The following TENM1 variants were observed in gnomAD, a reference collection of about 807,000 sequenced individuals.
TENM1 encodes the protein teneurin transmembrane protein 1.
A neutral mutation model predicts 174.8 loss-of-function variants in TENM1; 35 were observed. The ratio of observed to expected loss-of-function variants is 0.20; its 90% CI spans 0.15 to 0.27. The LOEUF (loss-of-function observed/expected upper bound fraction) is 0.27, where lower values mean the gene tolerates loss of function less well. Among genes scored for constraint, TENM1 ranks in the 10% least tolerant of loss-of-function variants. The pLI is 1.00. For missense variants in TENM1, 1,633 were observed against 2,130.1 expected (o/e 0.77, Z 4.59); for synonymous variants, 781 against 798.7 (o/e 0.98, Z 0.37).
At chrX:125,138,356 G>A in the TENM1 span, among the ~76,000 whole-genome samples, 1 of 110,800 alleles carries the variant, frequency 9.0e-6, no homozygotes, top group Non-Finnish European at 1.9e-5. Flanking sequence ...GGGAAGCAAG[G>A]CTAGAGGAAG....
chrX:124,895,829 G>T, intron 2 of TENM1, 152 bp downstream of exon 5: 1 of 583,118 alleles, frequency 1.7e-6, no homozygotes, highest in Non-Finnish European at 2.6e-6. Flanking sequence ...CAGATACTTA[G>T]GTGCATGCCT....
At chrX:124,804,614 A>T (rs1468160783) in intron 3 of TENM1, among the ~76,000 whole-genome samples, 1 of 112,146 alleles carries the variant, frequency 8.9e-6, no homozygotes, top group Non-Finnish European at 1.9e-5. Flanking sequence ...CTAACAAAGA[A>T]CGAAAATTCT....
At chrX:124,496,817 A>G (rs751411573) in intron 20 of TENM1, among the ~76,000 whole-genome samples, 199 bp downstream of exon 23, 17 of 111,801 alleles carry the variant, frequency 1.5e-4, no homozygotes, top group Non-Finnish European at 1.3e-4. Context: ...TGCTTCTCCA[A>G]AGTAGTGCTC....
the TENM1 span, among the ~76,000 whole-genome samples, chrX:125,200,652 TGTGAGAGAGAGAGA>T: frequency 1.2e-5 from 1 of 81,341 alleles, no homozygotes; most frequent in Admixed American, 1.3e-4. Context: ...TGTGTGTGTG[TGTGAGAGAGAGAGA>T]GAGAGAGAGA....
intron 20 of TENM1, among the ~76,000 whole-genome samples, chrX:124,490,941 C>T (rs976853747): frequency 1.7e-4 from 19 of 111,572 alleles, no homozygotes; most frequent in Non-Finnish European, 3.2e-4. Flanking sequence ...GGTCCTGAGG[C>T]TATAACAATT....
chrX:124,739,330 C>T (rs187719618), intron 3 of TENM1, among the ~76,000 whole-genome samples: 100 of 111,579 alleles, frequency 9.0e-4, no homozygotes, highest in Middle Eastern at 9.2e-3. Context: ...AACTATAAGG[C>T]TGGAAGAAAT....
intron 3 of TENM1, among the ~76,000 whole-genome samples, chrX:124,831,640 G>C (rs2056290359): frequency 1.8e-5 from 2 of 111,846 alleles, no homozygotes; most frequent in Admixed American, 1.9e-4. Flanking sequence ...TTTAATAGAG[G>C]ATCTGCTGCT....
At chrX:124,514,771 G>A (rs141216999) in intron 18 of TENM1, among the ~76,000 whole-genome samples, 1,125 of 110,865 alleles carry the variant, frequency 0.01, 11 homozygotes, top group African/African-American at 0.035. Context: ...TCTAGCAGAT[G>A]TACAAAGAAC....
intron 4 of TENM1, among the ~76,000 whole-genome samples, chrX:124,721,057 G>A (rs769129747): frequency 1.8e-5 from 2 of 112,100 alleles, no homozygotes; most frequent in African/African-American, 6.5e-5. Context: ...AAAGGACCTC[G>A]AATATCGTTT....
At chrX:124,861,099 T>C (rs2056903684) in intron 3 of TENM1, among the ~76,000 whole-genome samples, 1 of 111,996 alleles carries the variant, frequency 8.9e-6, no homozygotes. Flanking sequence ...GTTATACAAA[T>C]GAGCAAACAG....
At chrX:124,679,311 G>A (rs1195758454) in intron 5 of TENM1, among the ~76,000 whole-genome samples, 1 of 111,901 alleles carries the variant, frequency 8.9e-6, no homozygotes, top group African/African-American at 3.2e-5. Flanking sequence ...TGCTACAGCT[G>A]TTGTACTTTA....
chrX:124,774,891 C>A (rs750200306), intron 3 of TENM1, among the ~76,000 whole-genome samples: 1 of 110,894 alleles, frequency 9.0e-6, no homozygotes, highest in African/African-American at 3.3e-5. Flanking sequence ...ACAGGTCAGA[C>A]CCTGCATCAT....
At position 124,479,884 on chromosome X, in the gene TENM1, T is replaced by C. The variant is rs778958466; in HGVS notation, c.3949+1848A>G. On this transcript the variant is annotated intron_variant, in intron 22 of 31. Coordinates refer to ENST00000422452, the Ensembl canonical transcript of TENM1. ...CACATGTTGCACCCGAGTTATTTAT[T>C]CAATCATTAAATACTTATTGTGGAC... 2.4e-4 allele frequency among the ~76,000 whole-genome samples: 27 copies of C among 112,142 alleles called. No individual in the cohort carries two copies. In the South Asian group the frequency reaches 9.7e-3, roughly 40 times the overall value.
chrX:125,194,859 AC>A, the TENM1 span, among the ~76,000 whole-genome samples: 6 of 111,921 alleles, frequency 5.4e-5, no homozygotes, highest in African/African-American at 2.0e-4. Flanking sequence ...TGACTAAAAA[AC>A]ATCCTAGACA....
chrX:124,941,377 C>A (rs2058323923), intron 1 of TENM1, among the ~76,000 whole-genome samples: 1 of 111,642 alleles, frequency 9.0e-6, no homozygotes, highest in Non-Finnish European at 1.9e-5. Context: ...TCTTGAATTT[C>A]CATTAGTCCA....
the TENM1 span, among the ~76,000 whole-genome samples, chrX:125,045,549 T>C: frequency 9.0e-6 from 1 of 111,537 alleles, no homozygotes; most frequent in Admixed American, 9.6e-5. Flanking sequence ...TCCTTTACTG[T>C]TTAACACTTT....
intron 23 of TENM1, among the ~76,000 whole-genome samples, chrX:124,436,304 A>T (rs1412012266): frequency 9.0e-6 from 1 of 110,745 alleles, no homozygotes; most frequent in Non-Finnish European, 1.9e-5. Context: ...AAATAAAGAG[A>T]TTCTGAGAAG....
intron 4 of TENM1, among the ~76,000 whole-genome samples, chrX:124,722,009 A>T (rs193184488): frequency 8.9e-6 from 1 of 112,476 alleles, no homozygotes; most frequent in East Asian, 2.8e-4. Flanking sequence ...TTTAGCTACA[A>T]GTGTATCTAC....
At chrX:124,683,706 ATCT>A (rs1407112429) in intron 5 of TENM1, among the ~76,000 whole-genome samples, 1 of 112,176 alleles carries the variant, frequency 8.9e-6, no homozygotes, top group Non-Finnish European at 1.9e-5. Flanking sequence ...GTCTACTTCA[ATCT>A]TCTTAGCATT....
Sources: allele counts gnomAD v4.1 joint callset (sites outside exome capture counted in the v4.1 genomes callset), GRCh38; gene constraint gnomAD v4.1.1; transcripts MANE v1.5; gene names NCBI Gene and HGNC (gene_info 2026-07-23, HGNC 2026-07-21).